The following GALNT13 variants were observed in gnomAD, a reference collection of about 807,000 sequenced individuals.
GALNT13 encodes the protein UDP-GalNAc:polypeptide N-acetylgalactosaminyltransferase 13.
In GALNT13, 28 loss-of-function variants were observed where a neutral mutation model predicts 64.2. The observed-to-expected ratio is 0.44, with a 90% CI of 0.32 to 0.60. The LOEUF (loss-of-function observed/expected upper bound fraction) is 0.60, where lower values mean the gene tolerates loss of function less well. Among genes scored for constraint, GALNT13 ranks in the 20% least tolerant of loss-of-function variants. GALNT13 has a pLI of 0.05. For missense variants in GALNT13, 577 were observed against 669.8 expected, an observed-to-expected ratio of 0.86 and a Z score of 1.53; for synonymous variants, 214 against 224.6, an observed-to-expected ratio of 0.95 and a Z score of 0.42.
intron 9 of GALNT13, among the ~76,000 whole-genome samples, chr2:154,347,205 T>C (rs1574130792): frequency 6.6e-6 from 1 of 152,266 alleles, no homozygotes; most frequent in Non-Finnish European, 1.5e-5. Context: ...TTTTGCTTTG[T>C]TCAGTACTTG....
the GALNT13 span, among the ~76,000 whole-genome samples, chr2:153,707,695 A>G: frequency 2.0e-5 from 3 of 152,208 alleles, no homozygotes; most frequent in East Asian, 5.8e-4. Flanking sequence ...CTGCAAGTCT[A>G]TCACTAGAGT....
intron 4 of GALNT13, among the ~76,000 whole-genome samples, chr2:154,151,247 C>T (rs879601400): frequency 1.3e-5 from 2 of 151,952 alleles, no homozygotes; most frequent in Admixed American, 1.3e-4. Flanking sequence ...GTTTTGAGTG[C>T]GTTTTTTAAT....
the GALNT13 span, among the ~76,000 whole-genome samples, chr2:153,206,640 G>A: frequency 6.6e-6 from 1 of 151,936 alleles, no homozygotes; most frequent in African/African-American, 2.4e-5. Context: ...TTAGATATAA[G>A]ATTAGAAAGG....
chr2:153,236,932 A>G, the GALNT13 span, among the ~76,000 whole-genome samples: 1 of 152,144 alleles, frequency 6.6e-6, no homozygotes, highest in East Asian at 1.9e-4. Flanking sequence ...TCTAGGTGCC[A>G]TTAAGAAGAT....
At chr2:153,941,073 T>G (rs1378360254) in intron 2 of GALNT13, among the ~76,000 whole-genome samples, 7 of 152,208 alleles carry the variant, frequency 4.6e-5, no homozygotes, top group African/African-American at 1.7e-4. Context: ...AAATTTTTTT[T>G]GAGATGGAGT....
intron 3 of GALNT13, among the ~76,000 whole-genome samples, chr2:154,092,234 G>A (rs530560097): frequency 1.3e-5 from 2 of 152,050 alleles, no homozygotes; most frequent in South Asian, 2.1e-4. Context: ...AACTGCAGTC[G>A]TTTGATAGAT....
At position 153,985,361 on chromosome 2, in the gene GALNT13, A is replaced by G. The variant is rs1694730339; in HGVS notation, c.142+40722A>G. ...CCCAGACTCTTATCTTCACTGTAAT[A>G]CATAGAACATACCTTTTCTATTGTT... On this transcript the variant is annotated intron_variant, in intron 3 of 12. Transcript: ENST00000392825. Among the ~76,000 whole-genome samples the G allele has an allele frequency of 2.0e-5, 3 of 151,970 alleles. 1 individual carries two copies. The South Asian group carries it at 6.2e-4, about 32-fold the overall frequency.
chr2:153,563,271 A>G, the GALNT13 span, among the ~76,000 whole-genome samples: 1 of 151,866 alleles, frequency 6.6e-6, no homozygotes, highest in Non-Finnish European at 1.5e-5. Flanking sequence ...CTCTTATTTT[A>G]TAATCTCATT....
chr2:153,517,691 T>A, the GALNT13 span, among the ~76,000 whole-genome samples: 7 of 152,128 alleles, frequency 4.6e-5, no homozygotes, highest in Admixed American at 4.6e-4. Flanking sequence ...AGAATTTCCA[T>A]TAATGTAGAA....
the GALNT13 span, chr2:153,201,594 T>C: frequency 6.6e-6 from 1 of 152,242 alleles, no homozygotes; most frequent in Non-Finnish European, 1.5e-5. Flanking sequence ...AATGTACTTA[T>C]CTTTATAGCT....
At chr2:153,501,506 A>G in the GALNT13 span, among the ~76,000 whole-genome samples, 2 of 151,892 alleles carry the variant, frequency 1.3e-5, no homozygotes, top group Non-Finnish European at 2.9e-5. Context: ...TAATTTTTGT[A>G]TTTTTGGTAG....
chr2:153,229,374 A>AT, the GALNT13 span, among the ~76,000 whole-genome samples: 1 of 152,208 alleles, frequency 6.6e-6, no homozygotes, highest in Non-Finnish European at 1.5e-5. Flanking sequence ...TTGCTATCAT[A>AT]TCAAAGGATC....
intron 3 of GALNT13, among the ~76,000 whole-genome samples, chr2:154,012,984 TG>T (rs1437977793): frequency 6.6e-6 from 1 of 151,666 alleles, no homozygotes; most frequent in African/African-American, 2.4e-5. Context: ...CTGGATTCTT[TG>T]GCTTGGGTTT....
At chr2:153,234,457 T>A in the GALNT13 span, among the ~76,000 whole-genome samples, 1 of 152,124 alleles carries the variant, frequency 6.6e-6, no homozygotes, top group Non-Finnish European at 1.5e-5. Flanking sequence ...CCCACCTTTA[T>A]GGGTGTGAGA....
chr2:153,122,047 A>G, the GALNT13 span, among the ~76,000 whole-genome samples: 16 of 152,198 alleles, frequency 1.1e-4, no homozygotes, highest in South Asian at 4.1e-4. Flanking sequence ...TCATGTGTGT[A>G]TAGTGTTTCA....
At chr2:153,583,108 G>T in the GALNT13 span, among the ~76,000 whole-genome samples, 1 of 152,154 alleles carries the variant, frequency 6.6e-6, no homozygotes, top group Non-Finnish European at 1.5e-5. Context: ...AAGGAGGTGT[G>T]CATGATAATC....
the GALNT13 span, among the ~76,000 whole-genome samples, chr2:153,382,068 C>A: frequency 1.3e-5 from 2 of 152,112 alleles, no homozygotes; most frequent in East Asian, 3.9e-4. Flanking sequence ...GACTGAACAT[C>A]TTCTGAACAT....
At chr2:153,670,614 G>A in the GALNT13 span, among the ~76,000 whole-genome samples, 2 of 152,326 alleles carry the variant, frequency 1.3e-5, no homozygotes, top group African/African-American at 2.4e-5. Context: ...CAGAAAGGCT[G>A]AAAATTCTAA....
chr2:153,955,926 A>G (rs964190622), intron 3 of GALNT13, among the ~76,000 whole-genome samples: 4 of 152,148 alleles, frequency 2.6e-5, no homozygotes, highest in Non-Finnish European at 4.4e-5. Context: ...GCAGCACACT[A>G]CCGTAGCATT....
Sources: gnomAD v4.1 joint callset for allele counts (sites outside exome capture counted in the v4.1 genomes callset) on GRCh38, gnomAD v4.1.1 for gene constraint, MANE v1.5 for transcripts, NCBI Gene and HGNC (gene_info 2026-07-23, HGNC 2026-07-21) for gene names.